MROH9: variants seen among roughly 807,000 people sequenced by gnomAD.
MROH9 encodes maestro heat like repeat family member 9.
In MROH9, 92 loss-of-function variants were observed where a neutral mutation model predicts 98.2. The ratio of observed to expected loss-of-function variants is 0.94; its 90% CI spans 0.79 to 1.11. The LOEUF is 1.11. Among genes scored for constraint, MROH9 ranks in the 50% most tolerant of loss-of-function variants. MROH9 has a pLI of 0.00. For synonymous variants in MROH9, 397 were observed against 368.9 expected (o/e 1.08, Z -0.87); for missense variants, 1,057 against 1,014.8 (o/e 1.04, Z -0.57).
At chr1:170,960,032 G>A (rs2101891159) in intron 5 of MROH9, among the ~76,000 whole-genome samples, 1 of 152,322 alleles carries the variant, frequency 6.6e-6, no homozygotes, top group Middle Eastern at 3.4e-3. Context: ...TGAGGTCTCA[G>A]CATAGCCACC....
intron 17 of MROH9, among the ~76,000 whole-genome samples, chr1:171,021,466 A>G (rs1373044165): frequency 6.6e-6 from 1 of 152,128 alleles, no homozygotes; most frequent in Non-Finnish European, 1.5e-5. Context: ...CACTTCTACA[A>G]TCATCTGATC....
intron 7 of MROH9, among the ~76,000 whole-genome samples, chr1:170,967,344 G>A (rs1390591191): frequency 3.3e-5 from 5 of 152,088 alleles, no homozygotes; most frequent in African/African-American, 9.7e-5. Context: ...CAGTAAGTTC[G>A]CTTTCTCTTT....
intron 20 of MROH9, among the ~76,000 whole-genome samples, chr1:171,038,870 A>G (rs145705246): frequency 8.9e-4 from 135 of 152,260 alleles, no homozygotes; most frequent in African/African-American, 2.3e-3. Flanking sequence ...GTATGTCACA[A>G]TTGTCAATAT....
intron 14 of MROH9, among the ~76,000 whole-genome samples, chr1:170,997,717 C>G (rs1403953943): frequency 6.6e-6 from 1 of 152,152 alleles, no homozygotes; most frequent in Admixed American, 6.6e-5. Flanking sequence ...GAGCTCATCA[C>G]CTCCTTTCCT....
chr1:170,966,367 G>A (rs1650236497), intron 7 of MROH9, among the ~76,000 whole-genome samples: 2 of 152,076 alleles, frequency 1.3e-5, no homozygotes, highest in Non-Finnish European at 2.9e-5. Context: ...TTTCCCTTTT[G>A]TGGATACTGT....
At chr1:170,968,463 C>A (rs937173781) in intron 7 of MROH9, among the ~76,000 whole-genome samples, 7 of 152,282 alleles carry the variant, frequency 4.6e-5, no homozygotes, top group Admixed American at 4.6e-4. Context: ...CTTGCTCACA[C>A]ACAAAACCCC....
intron 9 of MROH9, among the ~76,000 whole-genome samples, chr1:170,985,790 C>T (rs936458453): frequency 6.6e-6 from 1 of 151,602 alleles, no homozygotes; most frequent in East Asian, 1.9e-4. Flanking sequence ...AGATTCCCTT[C>T]CATCACCCCT....
intron 20 of MROH9, among the ~76,000 whole-genome samples, chr1:171,032,281 G>A (rs569400375): frequency 2.6e-5 from 4 of 152,224 alleles, no homozygotes; most frequent in Admixed American, 6.5e-5. Flanking sequence ...TACTACTGTC[G>A]ATTCATCCAT....
At chr1:171,012,497 T>C (rs1026809132) in intron 15 of MROH9, among the ~76,000 whole-genome samples, 1 of 143,956 alleles carries the variant, frequency 6.9e-6, no homozygotes, top group African/African-American at 2.7e-5. Context: ...TATAAAACTG[T>C]CATTTTTTTT....
At chr1:170,998,365 CT>C in intron 15 of MROH9, 91 bp downstream of exon 15, 1 of 1,611,716 alleles carries the variant, frequency 6.2e-7, no homozygotes, top group Non-Finnish European at 8.5e-7. Context: ...ATCTCTCCCT[CT>C]GAATGTTGGT....
chr1:170,998,055 T>A lies in MROH9; in HGVS notation c.1476-99T>A, dbSNP rs913593546. 5.8e-6 allele frequency: 5 copies of A among 863,894 alleles called. No individual in the cohort carries two copies. In the African/African-American group the frequency reaches 8.5e-5, roughly 15 times the overall value. The allele number at this position is 863,894 out of a possible 1,614,324, so 53.5% of individuals were successfully genotyped here. On this transcript the variant is annotated intron_variant, in intron 14 of 21. Transcript: ENST00000367759. ...AGGGAATATTAAAGAATATCTTTCATCTGGGAGGTGCAAGATATTAGAATA... is the reference window on the plus strand; with the variant it reads ...AGGGAATATTAAAGAATATCTTTCAACTGGGAGGTGCAAGATATTAGAATA...
In MROH9 at chr1:170,990,104, T is replaced by C; in HGVS notation, c.1028+101T>C. On this transcript the variant is annotated intron_variant, in intron 11 of 21. Transcript: ENST00000367759. ...ACTCTCAATCTACCATAGTCAGGCC[T>C]GGTTTCTTTTTTCTGAAAGAGAAAA... The C allele has an allele frequency of 2.4e-6, 3 of 1,250,218 alleles. 1 individual carries two copies. The South Asian group carries it at 5.9e-5, about 25-fold the overall frequency. 77.4% of individuals were successfully genotyped at this position (1,250,218 alleles called of 1,614,324 possible). A position where few individuals can be genotyped will look rare whatever the true frequency, so the allele number is the denominator to read the frequency against.
At chr1:170,991,739 G>A (rs1352966127) in intron 11 of MROH9, among the ~76,000 whole-genome samples, 2 of 151,868 alleles carry the variant, frequency 1.3e-5, no homozygotes, top group Non-Finnish European at 2.9e-5. Flanking sequence ...TTTTATTTAG[G>A]ATTTTTTAAT....
chr1:171,030,806 T>G (rs1028959221), intron 20 of MROH9, among the ~76,000 whole-genome samples: 1 of 152,214 alleles, frequency 6.6e-6, no homozygotes, highest in Non-Finnish European at 1.5e-5. Context: ...TTGGGCCCAT[T>G]TGATCCAGAG....
At chr1:170,951,928 A>G (rs1463821443) in intron 3 of MROH9, among the ~76,000 whole-genome samples, 1 of 152,192 alleles carries the variant, frequency 6.6e-6, no homozygotes, top group Non-Finnish European at 1.5e-5. Context: ...GGTAATCAAC[A>G]AGTGGGTGAA....
intron 20 of MROH9, among the ~76,000 whole-genome samples, chr1:171,048,182 G>T (rs1653526286): frequency 6.6e-6 from 1 of 152,106 alleles, no homozygotes. Context: ...ACGGCCTGTG[G>T]AGCTCTACAA....
At chr1:171,012,533 T>C (rs1485677655) in intron 15 of MROH9, among the ~76,000 whole-genome samples, 3 of 148,956 alleles carry the variant, frequency 2.0e-5, no homozygotes, top group Non-Finnish European at 3.0e-5. Flanking sequence ...GATGGAGTCT[T>C]GCTCCGTCAC....
chr1:171,055,396 G>T (rs897244668), intron 20 of MROH9, among the ~76,000 whole-genome samples: 2 of 152,062 alleles, frequency 1.3e-5, no homozygotes, highest in Admixed American at 1.3e-4. Flanking sequence ...GCCGTGGTGG[G>T]CAGATCACAA....
intron 15 of MROH9, among the ~76,000 whole-genome samples, chr1:171,009,555 G>A (rs1041827348): frequency 6.6e-6 from 1 of 152,086 alleles, no homozygotes; most frequent in African/African-American, 2.4e-5. Flanking sequence ...ACATGAAGCT[G>A]CAAAAAGTTA....
Sources: allele counts gnomAD v4.1 joint callset (sites outside exome capture counted in the v4.1 genomes callset), GRCh38; gene constraint gnomAD v4.1.1; transcripts MANE v1.5; gene names NCBI Gene and HGNC (gene_info 2026-07-23, HGNC 2026-07-21).